The following FSTL4 variants were observed in gnomAD, a reference collection of about 807,000 sequenced individuals.
The protein encoded by FSTL4 is follistatin like 4.
Under a neutral mutation model 78.2 loss-of-function variants are expected in FSTL4, and 28 were observed. That is an observed-to-expected ratio of 0.36 (90% CI 0.27 to 0.49). The LOEUF (loss-of-function observed/expected upper bound fraction) is 0.49, where lower values mean the gene tolerates loss of function less well. Among genes scored for constraint, FSTL4 ranks in the 20% least tolerant of loss-of-function variants. The pLI is 0.98. For missense variants in FSTL4, 922 were observed against 1,084.9 expected (o/e 0.85, Z 2.11); for synonymous variants, 422 against 440.5 (o/e 0.96, Z 0.53).
intron 8 of FSTL4, among the ~76,000 whole-genome samples, chr5:133,227,479 C>A (rs999025994): frequency 6.6e-5 from 10 of 152,104 alleles, no homozygotes; most frequent in Admixed American, 2.0e-4. Flanking sequence ...GAGTGGGGTT[C>A]CCTTTGAATA....
At chr5:133,363,576 C>A (rs375395817) in intron 4 of FSTL4, among the ~76,000 whole-genome samples, 1 of 152,132 alleles carries the variant, frequency 6.6e-6, no homozygotes. Flanking sequence ...ATATTAAGTG[C>A]CTTTTCATTT....
At chr5:133,727,911 C>T in the FSTL4 span, among the ~76,000 whole-genome samples, 3 of 152,102 alleles carry the variant, frequency 2.0e-5, no homozygotes, top group Non-Finnish European at 4.4e-5. Context: ...GTCTTGAAGC[C>T]CCACTAGGAA....
At chr5:133,436,538 G>A (rs566798819) in intron 3 of FSTL4, among the ~76,000 whole-genome samples, 2 of 152,122 alleles carry the variant, frequency 1.3e-5, no homozygotes, top group African/African-American at 4.8e-5. Context: ...GCATTGAGAA[G>A]TTATTAAACA....
chr5:133,787,557 C>T, the FSTL4 span, among the ~76,000 whole-genome samples: 1 of 151,514 alleles, frequency 6.6e-6, no homozygotes, highest in East Asian at 1.9e-4. Context: ...AGGGAGGCCA[C>T]CCTCCCCGCC....
intron 14 of FSTL4, chr5:133,207,804 C>A (rs532574034): frequency 6.6e-6 from 1 of 152,210 alleles, no homozygotes; most frequent in East Asian, 1.9e-4. Context: ...CGTCAGCACA[C>A]CTGGCTAATT....
the FSTL4 span, among the ~76,000 whole-genome samples, chr5:133,758,954 A>G: frequency 6.6e-6 from 1 of 152,224 alleles, no homozygotes; most frequent in African/African-American, 2.4e-5. Context: ...CAAGCAAACT[A>G]TTTCAGAGGA....
At chr5:133,532,695 C>T (rs561391966) in intron 3 of FSTL4, among the ~76,000 whole-genome samples, 1 of 152,326 alleles carries the variant, frequency 6.6e-6, no homozygotes, top group South Asian at 2.1e-4. Flanking sequence ...GCACGGTAAA[C>T]ATACGCTGGA....
intron 3 of FSTL4, among the ~76,000 whole-genome samples, chr5:133,481,270 G>A (rs73788097): frequency 0.011 from 1,601 of 152,318 alleles, 24 homozygotes; most frequent in African/African-American, 0.037. Flanking sequence ...GTCAGGCACG[G>A]TGGTTCACAT....
the FSTL4 span, among the ~76,000 whole-genome samples, chr5:133,764,399 G>T: frequency 6.6e-6 from 1 of 152,144 alleles, no homozygotes; most frequent in African/African-American, 2.4e-5. Flanking sequence ...CACCAGGCAT[G>T]ATTCCAGGAG....
the FSTL4 span, among the ~76,000 whole-genome samples, chr5:133,768,557 T>C: frequency 1.3e-5 from 2 of 152,168 alleles, no homozygotes; most frequent in Non-Finnish European, 2.9e-5. Context: ...GGATGAAATT[T>C]TCCCTATACT....
intron 3 of FSTL4, among the ~76,000 whole-genome samples, chr5:133,560,804 C>T (rs544765162): frequency 6.6e-5 from 10 of 151,522 alleles, no homozygotes; most frequent in African/African-American, 7.3e-5. Context: ...GATAATTCTT[C>T]GGCCAGGAGT....
At chr5:133,248,397 C>G (rs1752109573) in intron 7 of FSTL4, 1 of 152,224 alleles carries the variant, frequency 6.6e-6, no homozygotes, top group Non-Finnish European at 1.5e-5. Context: ...AGGCTGCCCT[C>G]TCTTCTGCAT....
intron 4 of FSTL4, among the ~76,000 whole-genome samples, chr5:133,356,247 C>T (rs1190734976): frequency 1.3e-5 from 2 of 152,224 alleles, no homozygotes; most frequent in Non-Finnish European, 2.9e-5. Context: ...GCCCTGGGGA[C>T]ACCACTGTCA....
In FSTL4 at chr5:133,460,034, T is replaced by C. The variant is rs539472042; in HGVS notation, c.161-59048A>G. On this transcript the variant is annotated intron_variant, in intron 3 of 15. Coordinates refer to ENST00000265342, the MANE Select transcript of FSTL4 (RefSeq NM_015082.2). ...AGGGTGTACGCCGAGTAAATGACTT[T>C]GTAACTTTACTTCATCCTCTTCATT... is the stretch of plus-strand genomic sequence containing the variant. Among the ~76,000 whole-genome samples the C allele has an allele frequency of 2.0e-5, 3 of 152,334 alleles. No homozygotes were observed. The South Asian group carries it at 6.2e-4, about 32-fold the overall frequency.
At chr5:133,596,316 G>C (rs1760736978) in intron 2 of FSTL4, among the ~76,000 whole-genome samples, 1 of 152,232 alleles carries the variant, frequency 6.6e-6, no homozygotes, top group African/African-American at 2.4e-5. Context: ...TGTCACCTCT[G>C]AGGCTAGGCC....
chr5:133,237,329 G>A (rs926608204), intron 7 of FSTL4, among the ~76,000 whole-genome samples: 2 of 152,246 alleles, frequency 1.3e-5, no homozygotes, highest in African/African-American at 4.8e-5. Flanking sequence ...ATTCCCACCC[G>A]CTACTGATGA....
chr5:133,768,990 T>C, the FSTL4 span, among the ~76,000 whole-genome samples: 1 of 152,210 alleles, frequency 6.6e-6, no homozygotes, highest in African/African-American at 2.4e-5. Flanking sequence ...CTTCTCCAAA[T>C]AGGACACAGA....
intron 6 of FSTL4, among the ~76,000 whole-genome samples, chr5:133,271,340 G>T (rs1443788393): frequency 6.6e-6 from 1 of 152,222 alleles, no homozygotes; most frequent in East Asian, 1.9e-4. Flanking sequence ...TGCAAGATGG[G>T]TTTGATCAGC....
intron 3 of FSTL4, among the ~76,000 whole-genome samples, chr5:133,534,697 C>A (rs778477830): frequency 6.6e-6 from 1 of 152,120 alleles, no homozygotes; most frequent in Non-Finnish European, 1.5e-5. Context: ...ATACAAATAC[C>A]TAATTCATGG....
Sources: gnomAD v4.1 joint callset for allele counts (sites outside exome capture counted in the v4.1 genomes callset) on GRCh38, gnomAD v4.1.1 for gene constraint, MANE v1.5 for transcripts, NCBI Gene and HGNC (gene_info 2026-07-23, HGNC 2026-07-21) for gene names.